MARK1: variants seen among roughly 807,000 people sequenced by gnomAD.
MARK1 encodes microtubule affinity regulating kinase 1.
Under a neutral mutation model 96.3 loss-of-function variants are expected in MARK1, and 40 were observed. The ratio of observed to expected loss-of-function variants is 0.42; its 90% confidence interval spans 0.32 to 0.54. The LOEUF is 0.54. Ranked by LOEUF, MARK1 falls within the 20% of genes least tolerant of loss-of-function variation. The pLI is 0.16. For synonymous variants in MARK1, 317 were observed against 341.2 expected (o/e 0.93, Z 0.78); for missense variants, 719 against 984.6 (o/e 0.73, Z 3.61).
chr1:220,618,626 T>G lies in MARK1; in HGVS notation c.790-10T>G. 1 of 1,613,728 alleles carries G rather than the reference T, an allele frequency of 6.2e-7. No individual in the cohort carries two copies. The highest frequency in any genetic ancestry group is 8.5e-7 in the Non-Finnish European group (1 of 1,179,932). Reference sequence around the variant, plus strand: ...ACCAGTTATAAGTGCTTTCTTTCACTTTTATTAAGGAACTGCGAGAGCGAG... The same window carrying G: ...ACCAGTTATAAGTGCTTTCTTTCACGTTTATTAAGGAACTGCGAGAGCGAG... On this transcript the variant is annotated splice_polypyrimidine_tract_variant and intron_variant, in intron 8 of 17. Coordinates refer to ENST00000366917, the MANE Select transcript of MARK1 (RefSeq NM_018650.5). This position sits in a 1 kb window ranked among gnomAD's most constrained non-coding sequence, Gnocchi z 4.6.
At chr1:220,596,492 G>C (rs2102896448) in intron 3 of MARK1, among the ~76,000 whole-genome samples, 1 of 152,186 alleles carries the variant, frequency 6.6e-6, no homozygotes, top group South Asian at 2.1e-4. Context: ...AATTATTAAA[G>C]TTGTAAGTAT....
At chr1:220,648,854 T>C (rs1668717621) in intron 13 of MARK1, among the ~76,000 whole-genome samples, 1 of 152,214 alleles carries the variant, frequency 6.6e-6, no homozygotes, top group African/African-American at 2.4e-5. Flanking sequence ...TCCTGTTTCC[T>C]ATTACGTATT....
chr1:220,577,084 T>C (rs1663911441), intron 1 of MARK1, among the ~76,000 whole-genome samples: 1 of 151,872 alleles, frequency 6.6e-6, no homozygotes, highest in South Asian at 2.1e-4. Context: ...ATGATGAGAC[T>C]CCATCTCTAC....
At chr1:220,634,503 A>G (rs778138733) in intron 11 of MARK1, among the ~76,000 whole-genome samples, 2 of 152,320 alleles carry the variant, frequency 1.3e-5, no homozygotes, top group Admixed American at 1.3e-4. Context: ...TATCTTTTAG[A>G]ATCATTGAAA....
intron 1 of MARK1, among the ~76,000 whole-genome samples, chr1:220,560,063 T>TA (rs1662558104): frequency 1.3e-5 from 2 of 152,054 alleles, no homozygotes; most frequent in South Asian, 4.2e-4. Context: ...AGGTACCTCT[T>TA]ACATGGCGGC....
intron 4 of MARK1, among the ~76,000 whole-genome samples, chr1:220,599,103 G>A (rs553481481): frequency 7.2e-5 from 11 of 151,990 alleles, no homozygotes; most frequent in Non-Finnish European, 1.5e-4. Context: ...ATAACTTTGC[G>A]TTTTAAAGAA....
At chr1:220,607,992 C>T (rs1355998697) in intron 6 of MARK1, among the ~76,000 whole-genome samples, 2 of 152,158 alleles carry the variant, frequency 1.3e-5, no homozygotes, top group Non-Finnish European at 2.9e-5. Flanking sequence ...TGATGTTCTT[C>T]AGGGATATTG....
chr1:220,607,330 T>C (rs1195182296), intron 6 of MARK1, among the ~76,000 whole-genome samples: 3 of 152,154 alleles, frequency 2.0e-5, no homozygotes, highest in Non-Finnish European at 2.9e-5. Context: ...GTTTGTCTGT[T>C]ATTGGTGTAT....
At position 220,601,787 on chromosome 1, in the gene MARK1, G is replaced by A. The variant is rs189968905; in HGVS notation, c.424+1924G>A. Among the ~76,000 whole-genome samples, 330 of 152,260 alleles carry A rather than the reference G, an allele frequency of 2.2e-3. 1 individual carries two copies. The highest frequency in any genetic ancestry group is 7.5e-3 in the African/African-American group (312 of 41,550). ...TCTCTATTGGTGCTAATGAAGGGGA[G>A]TAATGGCTAGAGTAAGAGTATGTAA... is the stretch of plus-strand genomic sequence containing the variant. On this transcript the variant is annotated intron_variant, in intron 5 of 17. Transcript: ENST00000366917.
At chr1:220,535,886 A>G (rs1660649821) in intron 1 of MARK1, among the ~76,000 whole-genome samples, 1 of 152,112 alleles carries the variant, frequency 6.6e-6, no homozygotes, top group African/African-American at 2.4e-5. Flanking sequence ...TCTTTAAGCT[A>G]TTACTATACT....
rs555182077 is a variant in MARK1 at position 220,651,731 on chromosome 1, C to G, written c.1572-255C>G. On this transcript the variant is annotated intron_variant, in intron 14 of 17. Transcript: ENST00000366917. ...CCACAAAAATAATTTTGTACTTTCT[C>G]ACATTTACATACATAGTGTGTGTGA... is the stretch of plus-strand genomic sequence containing the variant. Among the ~76,000 whole-genome samples, 52 of 152,238 alleles carry G rather than the reference C, an allele frequency of 3.4e-4. No individual in the cohort carries two copies. The South Asian group carries it at 0.011, about 32-fold the overall frequency.
chr1:220,662,017 G>A lies in MARK1; in HGVS notation c.2239G>A (p.Ala747Thr), dbSNP rs558538069. ...TTTGCTTTTCTGTGTCCATGGAGAC[G>A]CTAGACAGGATAGCCTCGTGCAGTG... ...RFLLFCVHGDARQDSLVQWEM... is the reference protein window; with the variant it reads ...RFLLFCVHGDTRQDSLVQWEM... Residue 747 changes from alanine (A) to threonine (T), a missense_variant, in exon 18 of 18, where the codon GCT (alanine) becomes ACT (threonine). By Grantham distance (58) the Ala-to-Thr change is moderately conservative. Around this residue, in one of 4 missense-constraint regions of MARK1, gnomAD observed 501 missense variants for 588.3 expected, o/e 0.85. Coordinates refer to ENST00000366917, the MANE Select transcript of MARK1 (RefSeq NM_018650.5). 82 of 1,614,174 alleles carry A rather than the reference G, an allele frequency of 5.1e-5. No individual in the cohort carries two copies. The East Asian group carries it at 1.3e-3, about 25-fold the overall frequency.
intron 6 of MARK1, among the ~76,000 whole-genome samples, chr1:220,614,049 C>G (rs1415108849): frequency 6.6e-6 from 1 of 152,052 alleles, no homozygotes. Flanking sequence ...ACTCTGTTAT[C>G]CAGGTTGGTG....
At chr1:220,656,037 T>C (rs568496578) in intron 16 of MARK1, among the ~76,000 whole-genome samples, 25 of 152,362 alleles carry the variant, frequency 1.6e-4, no homozygotes, top group African/African-American at 5.8e-4. Context: ...CCAAACCTTA[T>C]GATTTTCTAA....
At chr1:220,531,742 A>G (rs1057130961) in intron 1 of MARK1, among the ~76,000 whole-genome samples, 1 of 152,222 alleles carries the variant, frequency 6.6e-6, no homozygotes, top group Admixed American at 6.5e-5. Flanking sequence ...CCTTGTTAAT[A>G]GGCCTCAACG....
At chr1:220,551,916 C>G (rs368571971) in intron 1 of MARK1, among the ~76,000 whole-genome samples, 2 of 152,176 alleles carry the variant, frequency 1.3e-5, no homozygotes, top group African/African-American at 4.8e-5. Flanking sequence ...GTAACCCAAG[C>G]CTTCATTCCT....
chr1:220,602,778 A>G (rs1220048133), intron 5 of MARK1, among the ~76,000 whole-genome samples: 2 of 152,078 alleles, frequency 1.3e-5, no homozygotes, highest in Non-Finnish European at 2.9e-5. Context: ...TATTAGTTTC[A>G]TGTGACATAC....
chr1:220,579,362 T>G lies in MARK1; in HGVS notation c.60T>G (p.Ser20=). Residue 20 remains serine, a synonymous_variant, in exon 2 of 18, where the codon TCT becomes TCG. Transcript: ENST00000366917. ...VNERDTENHT[S]VDGYTEPHIQ... ...TGTAAACTTTTTCTTAGCATACATC[T>G]GTGGATGGATATACTGAACCACACA... 1 of 1,612,994 alleles carries G rather than the reference T, an allele frequency of 6.2e-7. No homozygotes were observed. The highest frequency in any genetic ancestry group is 8.5e-7 in the Non-Finnish European group (1 of 1,178,990).
intron 5 of MARK1, among the ~76,000 whole-genome samples, chr1:220,603,496 G>T (rs1665880320): frequency 6.6e-6 from 1 of 152,026 alleles, no homozygotes; most frequent in African/African-American, 2.4e-5. Flanking sequence ...ACACACAAAT[G>T]ATTTAATTCT....
Sources: allele counts gnomAD v4.1 joint callset (sites outside exome capture counted in the v4.1 genomes callset), GRCh38; gene constraint gnomAD v4.1.1; regional missense constraint gnomAD v4.1.1; non-coding constraint Gnocchi (gnomAD v3.1); transcripts MANE v1.5; gene names NCBI Gene and HGNC (gene_info 2026-07-23, HGNC 2026-07-21).